Variants in SMARCA2 observed in about 807,000 individuals in gnomAD.
The protein encoded by SMARCA2 is SWI/SNF related BAF chromatin remodeling complex subunit ATPase 2.
Under a neutral mutation model 199.8 loss-of-function variants are expected in SMARCA2, and 61 were observed. That is an observed-to-expected ratio of 0.31 (90% confidence interval 0.25 to 0.38). The LOEUF (loss-of-function observed/expected upper bound fraction) is 0.38, where lower values mean the gene tolerates loss of function less well. Ranked by LOEUF, SMARCA2 falls within the 10% of genes least tolerant of loss-of-function variation. SMARCA2 has a pLI of 1.00. For synonymous variants in SMARCA2, 935 were observed against 732.0 expected (o/e 1.28, Z -4.48); for missense variants, 1,344 against 2,012.2 (o/e 0.67, Z 6.35).
chr9:2,191,376 G>A lies in SMARCA2; in HGVS notation c.4705G>A (p.Asp1569Asn), dbSNP rs764005673. The A allele has an allele frequency of 1.7e-5, 27 of 1,614,062 alleles. No homozygotes were observed. Among genetic ancestry groups the A allele is most frequent in the East Asian group, 2.2e-5 (1 of 44,892 alleles). The change falls in exon 33 of 34, where the codon GAT (aspartate) becomes AAT (asparagine). Residue 1569 changes from aspartate to asparagine, a missense_variant. Physicochemically the swap from Asp to Asn is conservative, Grantham distance 23. Transcript: ENST00000349721. ...AGGAAAAGCCAAACCTGTAGTGAGC[G>A]ATTTTGACAGCGATGAGGAGCAGGA... ...NRGKAKPVVSDFDSDEEQDER... is the reference protein window; with the variant it reads ...NRGKAKPVVSNFDSDEEQDER...
chr9:2,049,496 A>G (rs776705463), intron 5 of SMARCA2, among the ~76,000 whole-genome samples: 4 of 152,230 alleles, frequency 2.6e-5, no homozygotes, highest in Non-Finnish European at 4.4e-5. Flanking sequence ...AATTTTTCAT[A>G]GTATTATTAT....
intron 20 of SMARCA2, 200 bp from the exon 21 acceptor site, chr9:2,097,185 C>G (rs1022143674): frequency 1.9e-6 from 1 of 519,192 alleles, no homozygotes; most frequent in African/African-American, 1.9e-5. Flanking sequence ...TTTTTTGTAG[C>G]GTAAGTTAAT....
intron 27 of SMARCA2, among the ~76,000 whole-genome samples, chr9:2,156,413 A>ATTTTT (rs1825362261): frequency 1.4e-5 from 1 of 72,612 alleles, no homozygotes; most frequent in African/African-American, 6.8e-5. Flanking sequence ...ACCATTTTAG[A>ATTTTT]CTTTTTTTTT....
intron 27 of SMARCA2, among the ~76,000 whole-genome samples, chr9:2,131,583 G>C (rs116416349): frequency 0.017 from 2,513 of 152,260 alleles, 76 homozygotes; most frequent in African/African-American, 0.058. Flanking sequence ...GACAGCCTGA[G>C]CTTCCCATGG....
intron 27 of SMARCA2, among the ~76,000 whole-genome samples, chr9:2,150,618 G>A (rs1825015073): frequency 6.6e-6 from 1 of 151,628 alleles, no homozygotes; most frequent in Admixed American, 6.6e-5. Context: ...CATTCCATAT[G>A]TACACATTCC....
intron 1 of SMARCA2, among the ~76,000 whole-genome samples, 152 bp downstream of exon 1, chr9:2,015,556 C>G (rs922802020): frequency 6.6e-6 from 1 of 152,014 alleles, no homozygotes; most frequent in African/African-American, 2.4e-5. Flanking sequence ...GCAAGGAGAC[C>G]AAAACAAACA....
At chr9:2,065,471 C>T (rs992755071) in intron 9 of SMARCA2, among the ~76,000 whole-genome samples, 3 of 152,034 alleles carry the variant, frequency 2.0e-5, no homozygotes, top group Admixed American at 6.6e-5. Context: ...TTCTCCTTAC[C>T]AACCGCTATT....
At chr9:2,162,661 G>C (rs927236038) in intron 28 of SMARCA2, 1 of 152,110 alleles carries the variant, frequency 6.6e-6, no homozygotes, top group African/African-American at 2.4e-5. Context: ...ATGGCTTCTC[G>C]TTTCAGTTGA....
In SMARCA2 at chr9:2,103,543, G is replaced by C. The variant is rs889889071; in HGVS notation, c.3126-460G>C. Among the ~76,000 whole-genome samples, 5 of 152,124 alleles carry C rather than the reference G, an allele frequency of 3.3e-5. No homozygotes were observed. The South Asian group carries it at 8.3e-4, about 25-fold the overall frequency. ...TTGGTACATAGTAGGTGATCAGTAAGTATTTAGATGAATCTTAAGTGCCCT... is the reference window on the plus strand; with the variant it reads ...TTGGTACATAGTAGGTGATCAGTAACTATTTAGATGAATCTTAAGTGCCCT... On this transcript the variant is annotated intron_variant, in intron 22 of 33. Transcript: ENST00000349721.
Position 2,186,244 on chromosome 9 carries a change from C to G in SMARCA2, c.4594+16C>G, listed in dbSNP as rs377486807. On this transcript the variant is annotated intron_variant, in intron 32 of 33. Transcript: ENST00000349721. ...GAGTCCGAGGGTAAGCCCAGACATT[C>G]GGGTCCTGTACATCTTTGCCCCTCC... 1.2e-6 allele frequency: 2 copies of G among 1,609,136 alleles called. No individual in the cohort carries two copies. The highest frequency in any genetic ancestry group is 1.3e-5 in the African/African-American group (1 of 74,838).
chr9:2,058,205 G>A, intron 7 of SMARCA2, 86 bp from the exon 8 acceptor site: 1 of 1,166,154 alleles, frequency 8.6e-7, no homozygotes, highest in South Asian at 1.4e-5. Flanking sequence ...CACACACTGA[G>A]AGTTTTCTTG....
intron 1 of SMARCA2, among the ~76,000 whole-genome samples, chr9:2,022,774 A>G (rs1454303860): frequency 2.0e-5 from 3 of 152,224 alleles, no homozygotes; most frequent in Non-Finnish European, 2.9e-5. Context: ...GGCCTAACCT[A>G]GGAGAGACAG....
chr9:2,164,890 C>G lies in SMARCA2; in HGVS notation c.4199+2987C>G, dbSNP rs184085405. 1.2e-4 allele frequency among the ~76,000 whole-genome samples: 18 copies of G among 152,320 alleles called. No homozygotes were observed. In the East Asian group the frequency reaches 2.1e-3, roughly 18 times the overall value. ...TGGGGAGTATGTACTAAATTTCCCA[C>G]CACTGAATGTTTCATATACATTTCA... On this transcript the variant is annotated intron_variant, in intron 28 of 33. Transcript: ENST00000349721.
In SMARCA2 at chr9:2,098,925, T is replaced by G. The variant is rs543490403; in HGVS notation, c.3078+1454T>G. On this transcript the variant is annotated intron_variant, in intron 21 of 33. Transcript: ENST00000349721. ...TCGCACCATTGTACTCCAGCCTGAG[T>G]GACAACAGCGAAACTCGGTCTCAAA... is the stretch of plus-strand genomic sequence containing the variant. Among the ~76,000 whole-genome samples the G allele has an allele frequency of 4.0e-5, 6 of 149,002 alleles. No homozygotes were observed. In the South Asian group the frequency reaches 1.3e-3, roughly 31 times the overall value.
At chr9:2,111,830 A>G (rs1823019726) in intron 24 of SMARCA2, among the ~76,000 whole-genome samples, 1 of 152,150 alleles carries the variant, frequency 6.6e-6, no homozygotes, top group African/African-American at 2.4e-5. Context: ...TCTCATACAG[A>G]TGAGGAGCAC....
chr9:2,155,474 TG>T (rs1563808703), intron 27 of SMARCA2, among the ~76,000 whole-genome samples: 1 of 151,968 alleles, frequency 6.6e-6, no homozygotes, highest in East Asian at 1.9e-4. Flanking sequence ...GTAGAGATGG[TG>T]TTTCACCATA....
intron 9 of SMARCA2, among the ~76,000 whole-genome samples, chr9:2,069,431 C>G: frequency 6.6e-6 from 1 of 151,524 alleles, no homozygotes; most frequent in African/African-American, 2.4e-5. Context: ...TGGTGGCGGT[C>G]GCCTGTAGTC....
intron 32 of SMARCA2, among the ~76,000 whole-genome samples, chr9:2,188,566 T>C (rs996812573): frequency 4.6e-5 from 7 of 152,234 alleles, no homozygotes; most frequent in Admixed American, 6.5e-5. Context: ...GCCAGATTTC[T>C]AATCTGTTTT....
In SMARCA2 at chr9:2,093,333, C is replaced by T. The variant is rs368967437; in HGVS notation, c.2884-3324C>T. Among the ~76,000 whole-genome samples, 15 of 152,320 alleles carry T rather than the reference C, an allele frequency of 9.8e-5. No homozygotes were observed. In the East Asian group the frequency reaches 2.7e-3, roughly 27 times the overall value. On this transcript the variant is annotated intron_variant, in intron 19 of 33. Transcript: ENST00000349721. ...AGAACAATCATATATATTGATCTTT[C>T]TCTTAAAAAGTCTTCACTGATATTT...
Sources: allele counts gnomAD v4.1 joint callset (sites outside exome capture counted in the v4.1 genomes callset), GRCh38; gene constraint gnomAD v4.1.1; transcripts MANE v1.5; gene names NCBI Gene and HGNC (gene_info 2026-07-23, HGNC 2026-07-21).